The following SMCHD1 variants were observed in gnomAD, a reference collection of about 807,000 sequenced individuals.
SMCHD1 encodes the protein structural maintenance of chromosomes flexible hinge domain containing 1.
Under a neutral mutation model 254.7 loss-of-function variants are expected in SMCHD1, and 78 were observed. The ratio of observed to expected loss-of-function variants is 0.31; its 90% CI spans 0.26 to 0.37. The LOEUF (loss-of-function observed/expected upper bound fraction) is 0.37, where lower values mean the gene tolerates loss of function less well. Ranked by LOEUF, SMCHD1 falls within the 10% of genes least tolerant of loss-of-function variation. The pLI is 1.00. For missense variants in SMCHD1, 1,840 were observed against 2,408.1 expected (o/e 0.76, Z 4.94); for synonymous variants, 766 against 794.9 (o/e 0.96, Z 0.61).
At chr18:2,694,279 G>A (rs1191047447) in intron 7 of SMCHD1, among the ~76,000 whole-genome samples, 2 of 152,108 alleles carry the variant, frequency 1.3e-5, no homozygotes, top group Non-Finnish European at 2.9e-5. Flanking sequence ...TTCTAAAATC[G>A]GTTTAGCATT....
At chr18:2,739,930 T>C (rs984545576) in intron 27 of SMCHD1, among the ~76,000 whole-genome samples, 4 of 68,234 alleles carry the variant, frequency 5.9e-5, no homozygotes, top group African/African-American at 1.5e-4. Context: ...AAAAAAATTC[T>C]TTTTTTTTTT....
chr18:2,730,185 T>C (rs1213140845), intron 24 of SMCHD1, among the ~76,000 whole-genome samples: 1 of 152,168 alleles, frequency 6.6e-6, no homozygotes, highest in Non-Finnish European at 1.5e-5. Flanking sequence ...TATTTATATT[T>C]TTTGAGATGG....
At chr18:2,751,617 T>C (rs1017755043) in intron 33 of SMCHD1, among the ~76,000 whole-genome samples, 1 of 152,128 alleles carries the variant, frequency 6.6e-6, no homozygotes, top group Non-Finnish European at 1.5e-5. Flanking sequence ...TCTTAACATT[T>C]TAAGATGCCT....
intron 24 of SMCHD1, 26 bp from the exon 25 acceptor site, chr18:2,732,239 G>A (rs764857140): frequency 1.9e-6 from 3 of 1,568,410 alleles, no homozygotes; most frequent in Non-Finnish European, 2.6e-6. Flanking sequence ...ATATCACTCA[G>A]TGTTTGTGTT....
chr18:2,767,996 G>T (rs530264888), intron 37 of SMCHD1, among the ~76,000 whole-genome samples: 222 of 152,124 alleles, frequency 1.5e-3, no homozygotes, highest in African/African-American at 5.0e-3. Flanking sequence ...CATAGAAAAG[G>T]TATAGTAAAA....
chr18:2,657,256 G>GTAA (rs2073097155), intron 1 of SMCHD1, among the ~76,000 whole-genome samples: 1 of 152,304 alleles, frequency 6.6e-6, no homozygotes, highest in South Asian at 2.1e-4. Flanking sequence ...GATTGGAGAA[G>GTAA]TAAGGACTTT....
Position 2,700,807 on chromosome 18 carries a change from A to G in SMCHD1, c.1536A>G (p.Ala512=). Residue 512 remains alanine (A), a synonymous_variant, in exon 12 of 48, where the codon GCA becomes GCG. Coordinates refer to ENST00000320876, the MANE Select transcript of SMCHD1 (RefSeq NM_015295.3). ...PIECYNRISG[A]LFTNDKFQVS... is the part of the protein sequence containing the mutation. ...AATGCTACAATAGGATATCTGGTGCATTATTCACTAATGACAAATTCCAGG... is the reference window on the plus strand; with the variant it reads ...AATGCTACAATAGGATATCTGGTGCGTTATTCACTAATGACAAATTCCAGG... The G allele has an allele frequency of 6.2e-7, 1 of 1,613,570 alleles. No individual in the cohort carries two copies. Among genetic ancestry groups the G allele is most frequent in the Non-Finnish European group, 8.5e-7 (1 of 1,179,650 alleles).
At chr18:2,784,383 T>C in intron 44 of SMCHD1, 67 bp from the exon 45 acceptor site, 3 of 1,329,096 alleles carry the variant, frequency 2.3e-6, no homozygotes, top group Non-Finnish European at 3.1e-6. Flanking sequence ...AACTTTAAAT[T>C]ATTTCTCCTT....
At chr18:2,783,325 G>C (rs1333845786) in intron 44 of SMCHD1, among the ~76,000 whole-genome samples, 1 of 152,098 alleles carries the variant, frequency 6.6e-6, no homozygotes, top group African/African-American at 2.4e-5. Flanking sequence ...CCTTTGAGAA[G>C]GGCTGTCCCA....
intron 19 of SMCHD1, among the ~76,000 whole-genome samples, chr18:2,721,506 G>A (rs914886486): frequency 2.6e-5 from 4 of 152,020 alleles, no homozygotes; most frequent in Non-Finnish European, 5.9e-5. Flanking sequence ...TTGATGAATC[G>A]TGTTGATTGT....
rs9954526 is a variant in SMCHD1, at chr18:2,747,979, C to T, written c.3927+332C>T. ...GAATGAAGACAGATATCACAGTGAC[C>T]TACAGAATGGATTAAGGAACAGGCA... On this transcript the variant is annotated intron_variant, in intron 30 of 47. Transcript: ENST00000320876. Among the ~76,000 whole-genome samples, 4,683 of 152,092 alleles carry T rather than the reference C, an allele frequency of 0.031. 240 individuals carry two copies. The highest frequency in any genetic ancestry group is 0.11 in the African/African-American group (4,413 of 41,472).
chr18:2,748,282 G>T (rs531005018), intron 30 of SMCHD1, among the ~76,000 whole-genome samples: 24 of 151,106 alleles, frequency 1.6e-4, no homozygotes, highest in African/African-American at 5.6e-4. Context: ...CTAGTGGCTG[G>T]TGCAAAGTTG....
chr18:2,731,902 T>C (rs1346427848), intron 24 of SMCHD1, among the ~76,000 whole-genome samples: 3 of 152,024 alleles, frequency 2.0e-5, no homozygotes, highest in African/African-American at 7.2e-5. Flanking sequence ...TCCCAGCTAC[T>C]CTGGAGGCTG....
intron 37 of SMCHD1, among the ~76,000 whole-genome samples, chr18:2,768,397 T>C (rs976409367): frequency 2.0e-5 from 3 of 152,128 alleles, no homozygotes; most frequent in African/African-American, 7.2e-5. Flanking sequence ...CACTCCCATA[T>C]ACTGCTGGTG....
intron 3 of SMCHD1, among the ~76,000 whole-genome samples, chr18:2,669,375 T>A (rs2073532464): frequency 6.6e-6 from 1 of 152,150 alleles, no homozygotes. Flanking sequence ...AATAAAATTT[T>A]CTTTGTAGAG....
intron 5 of SMCHD1, among the ~76,000 whole-genome samples, chr18:2,680,637 A>G (rs1015842612): frequency 2.0e-5 from 3 of 152,166 alleles, no homozygotes; most frequent in Non-Finnish European, 2.9e-5. Context: ...TTTCTTGAAC[A>G]TGTGTTTAGT....
chr18:2,676,374 G>A (rs1177034032), intron 5 of SMCHD1, among the ~76,000 whole-genome samples: 1 of 152,184 alleles, frequency 6.6e-6, no homozygotes, highest in East Asian at 1.9e-4. Context: ...AAGGTGGTTG[G>A]AGAAGAGGGC....
At position 2,708,907 on chromosome 18, in the gene SMCHD1, T is replaced by TATATATATAAA. The variant is rs769432583; in HGVS notation, c.2260+988_2260+989insTATATATAAAA. Among the ~76,000 whole-genome samples, 146 of 44,684 alleles carry TATATATATAAA rather than the reference T, an allele frequency of 3.3e-3. 17 individuals are homozygous for TATATATATAAA. Among genetic ancestry groups the TATATATATAAA allele is most frequent in the African/African-American group, 0.012 (142 of 11,876 alleles). The allele number at this position is 44,684 out of a possible 152,430, so 29.3% of individuals were successfully genotyped here. A position where few individuals can be genotyped will look rare whatever the true frequency, so the allele number is the denominator to read the frequency against. ...ATATATATATATATATATATATATA[T>TATATATATAAA]AACATATTAACATGAAATTTATGAA... is the stretch of plus-strand genomic sequence containing the variant. On this transcript the variant is annotated intron_variant, in intron 17 of 47. Transcript: ENST00000320876.
intron 7 of SMCHD1, among the ~76,000 whole-genome samples, chr18:2,691,397 A>G (rs942789069): frequency 3.3e-5 from 5 of 152,174 alleles, no homozygotes; most frequent in East Asian, 1.9e-4. Context: ...TTTTCTGACT[A>G]GTCTTTTCCA....
Sources: gnomAD v4.1 joint callset for allele counts (sites outside exome capture counted in the v4.1 genomes callset) on GRCh38, gnomAD v4.1.1 for gene constraint, MANE v1.5 for transcripts, NCBI Gene and HGNC (gene_info 2026-07-23, HGNC 2026-07-21) for gene names.